ZNF483: variants seen among roughly 807,000 people sequenced by gnomAD.
The protein encoded by ZNF483 is zinc finger protein HIT-10.
In ZNF483, 9 loss-of-function variants were observed where a neutral mutation model predicts 28.6. The ratio of observed to expected loss-of-function variants is 0.32; its 90% CI spans 0.19 to 0.55. The LOEUF is 0.55. Among genes scored for constraint, ZNF483 ranks in the 20% least tolerant of loss-of-function variants. The probability of loss-of-function intolerance (pLI) is 0.93; values close to 1 mark genes in which losing one functional copy is unlikely to be tolerated. For synonymous variants in ZNF483, 322 were observed against 306.2 expected (o/e 1.05, Z -0.54); for missense variants, 675 against 871.7 (o/e 0.77, Z 2.84).
In ZNF483 at chr9:111,549,258, T is replaced by C. The variant is rs1014314751; in HGVS notation, c.*6088T>C. ...GAATTTCTTGATCACTGGGGAGAAA[T>C]ATCTTACAATTCTGAAAACACACTG... On this transcript the variant is annotated 3_prime_UTR_variant, in exon 6 of 6. Transcript: ENST00000309235. Among the ~76,000 whole-genome samples the C allele has an allele frequency of 2.0e-5, 3 of 152,226 alleles. No homozygotes were observed. The highest frequency in any genetic ancestry group is 4.8e-5 in the African/African-American group (2 of 41,462).
rs1366269986 is a variant in ZNF483 at position 111,540,530 on chromosome 9, GT to G, written c.722-1126del. Among the ~76,000 whole-genome samples, 3 of 152,284 alleles carry G rather than the reference GT, an allele frequency of 2.0e-5. No individual in the cohort carries two copies. The East Asian group carries it at 5.8e-4, about 29-fold the overall frequency. ...TCTAGGCCCTGTTGAATTTATGTTT[GT>G]GATAGTGAGGGTGCTGTGGGAATGC... On this transcript the variant is annotated intron_variant, in intron 5 of 5. Coordinates refer to ENST00000309235, the MANE Select transcript of ZNF483 (RefSeq NM_133464.5).
rs1358111836 is a variant in ZNF483, at chr9:111,552,216, T to C, written c.*9046T>C. On this transcript the variant is annotated 3_prime_UTR_variant, in exon 6 of 6. Coordinates refer to ENST00000309235, the MANE Select transcript of ZNF483 (RefSeq NM_133464.5). ...GAATTGGATTTTCTAGTACAGGAAA[T>C]CCTTATAAAATTCTTTTGTAAGTCA... Among the ~76,000 whole-genome samples, 1 of 152,208 alleles carries C rather than the reference T, an allele frequency of 6.6e-6. No homozygotes were observed. Among genetic ancestry groups the C allele is most frequent in the Non-Finnish European group, 1.5e-5 (1 of 68,016 alleles).
chr9:111,532,106 C>T (rs991349756), intron 3 of ZNF483, among the ~76,000 whole-genome samples: 4 of 151,990 alleles, frequency 2.6e-5, no homozygotes, highest in South Asian at 4.1e-4. Flanking sequence ...CCTGGGAGTT[C>T]GAGAGCAGTC....
chr9:111,564,137 TA>T, intron 5 of ZNF483: 1 of 512,896 alleles, frequency 1.9e-6, no homozygotes, highest in Non-Finnish European at 2.7e-6. Context: ...TAAGGGGTCT[TA>T]TATAGAGACC....
At chr9:111,526,751 C>CA (rs1430146837) in intron 1 of ZNF483, among the ~76,000 whole-genome samples, 1 of 152,086 alleles carries the variant, frequency 6.6e-6, no homozygotes, top group African/African-American at 2.4e-5. Context: ...GAGGAGTATT[C>CA]AATCTAAAGC....
chr9:111,559,964 A>G (rs1328797753), downstream of ZNF483, among the ~76,000 whole-genome samples: 1 of 152,096 alleles, frequency 6.6e-6, no homozygotes, highest in Non-Finnish European at 1.5e-5. Flanking sequence ...CCATTGTTTC[A>G]TTGTACTACA....
chr9:111,573,954 TC>T (rs1162945645), intron 5 of ZNF483, among the ~76,000 whole-genome samples: 1 of 152,088 alleles, frequency 6.6e-6, no homozygotes, highest in African/African-American at 2.4e-5. Flanking sequence ...AAGCTGCTGC[TC>T]CCTTCCCTTT....
Position 111,543,338 on chromosome 9 carries a change from A to G in ZNF483, c.*168A>G. The G allele has an allele frequency of 7.2e-7, 1 of 1,391,842 alleles. No individual in the cohort carries two copies. Among genetic ancestry groups the G allele is most frequent in the Non-Finnish European group, 9.3e-7 (1 of 1,078,868 alleles). The allele number at this position is 1,391,842 out of a possible 1,614,324, so 86.2% of individuals were successfully genotyped here. A position where few individuals can be genotyped will look rare whatever the true frequency, so the allele number is the denominator to read the frequency against. On this transcript the variant is annotated 3_prime_UTR_variant, in exon 6 of 6. Transcript: ENST00000309235. ...CCTCTTCTTTTCAAGGATGGCAACG[A>G]CTGGTAAACAGTAATTAGTTGGTAA...
intron 5 of ZNF483, 123 bp from the exon 6 acceptor site, chr9:111,541,534 C>G: frequency 1.4e-6 from 1 of 694,568 alleles, no homozygotes; most frequent in South Asian, 3.1e-5. Flanking sequence ...TTTTACAAAG[C>G]TCTTTTTGAG....
chr9:111,527,332 T>C lies in ZNF483; in HGVS notation c.-64T>C, dbSNP rs1002508026. 2 of 1,529,762 alleles carry C rather than the reference T, an allele frequency of 1.3e-6. No homozygotes were observed. The highest frequency in any genetic ancestry group is 1.8e-6 in the Non-Finnish European group (2 of 1,129,202). 94.8% of individuals were successfully genotyped at this position (1,529,762 alleles called of 1,614,324 possible). A position where few individuals can be genotyped will look rare whatever the true frequency, so the allele number is the denominator to read the frequency against. On this transcript the variant is annotated 5_prime_UTR_variant, in exon 2 of 6. Coordinates refer to ENST00000309235, the MANE Select transcript of ZNF483 (RefSeq NM_133464.5). ...TATTCCTGGCTGTGTATAGTGCCTG[T>C]TGGTGGACTGTACTGATACTCAACT...
chr9:111,566,495 CATG>C (rs1828568678), intron 5 of ZNF483, among the ~76,000 whole-genome samples: 1 of 152,160 alleles, frequency 6.6e-6, no homozygotes, highest in Non-Finnish European at 1.5e-5. Context: ...GATTAGGAAA[CATG>C]ATGTCATTTT....
At chr9:111,530,756 A>AATTATATAT (rs1827306374) in intron 2 of ZNF483, 119 bp from the exon 3 acceptor site, 1 of 70,416 alleles carries the variant, frequency 1.4e-5, no homozygotes, top group Non-Finnish European at 3.1e-5. Flanking sequence ...ATCACTTAGA[A>AATTATATAT]ATATATATAT....
At chr9:111,569,992 C>T (rs775804330) in intron 5 of ZNF483, 117 of 1,554,636 alleles carry the variant, frequency 7.5e-5, no homozygotes, top group Non-Finnish European at 9.6e-5. Context: ...ACTGACGATG[C>T]GGCAGAGATG....
At chr9:111,574,604 TAAAAAAA>T in intron 5 of ZNF483, 1 of 489,920 alleles carries the variant, frequency 2.0e-6, no homozygotes, top group African/African-American at 2.2e-5. Context: ...GACTCTGTCT[TAAAAAAA>T]AAAAAAAAAG....
At chr9:111,577,166 C>T (rs938432559) in exon 6 of ZNF483, 1 of 151,924 alleles carries the variant, frequency 6.6e-6, no homozygotes, top group Non-Finnish European at 1.5e-5. Context: ...GATATTTCTC[C>T]AAAGAAGATA....
intron 5 of ZNF483, among the ~76,000 whole-genome samples, chr9:111,569,696 C>A (rs559691667): frequency 1.3e-3 from 194 of 152,198 alleles, no homozygotes; most frequent in African/African-American, 4.5e-3. Context: ...ACCCAGGAGG[C>A]GGAGGTTGCC....
At position 111,542,093 on chromosome 9, in the gene ZNF483, G is replaced by T; in HGVS notation, c.1158G>T (p.Gly386=). The T allele has an allele frequency of 1.2e-6, 2 of 1,613,970 alleles. No homozygotes were observed. The highest frequency in any genetic ancestry group is 3.3e-5 in the Admixed American group (2 of 60,012). Reference sequence around the variant, plus strand: ...AGAAACGTCAGAAGATTCATTTGGGGGATAGGTCCCAAAAATGCAGTAAGT... The same window carrying T: ...AGAAACGTCAGAAGATTCATTTGGGTGATAGGTCCCAAAAATGCAGTAAGT... The part of the protein sequence containing the change: ...EHQKRQKIHL[G]DRSQKCSKCG... Residue 386 remains glycine, a synonymous_variant, in exon 6 of 6, where the codon GGG becomes GGT. Coordinates refer to ENST00000309235, the MANE Select transcript of ZNF483 (RefSeq NM_133464.5). This position sits in a 1 kb window ranked among gnomAD's most constrained non-coding sequence, Gnocchi z 6.2.
Position 111,544,016 on chromosome 9 carries a change from G to C in ZNF483, c.*846G>C. ...AAATGCTGTAACTAGGAATGGGTCA[G>C]TGAAGTTCAAACGACTTTTCCTTGA... On this transcript the variant is annotated 3_prime_UTR_variant, in exon 6 of 6. Transcript: ENST00000309235. 1 of 985,376 alleles carries C rather than the reference G, an allele frequency of 1.0e-6. No individual in the cohort carries two copies. The highest frequency in any genetic ancestry group is 1.7e-5 in the African/African-American group (1 of 57,326). 61.0% of individuals were successfully genotyped at this position (985,376 alleles called of 1,614,324 possible).
rs1827867250 is a variant in ZNF483, at chr9:111,549,106, G to T, written c.*5936G>T. Among the ~76,000 whole-genome samples, 1 of 152,016 alleles carries T rather than the reference G, an allele frequency of 6.6e-6. No individual in the cohort carries two copies. Among genetic ancestry groups the T allele is most frequent in the Non-Finnish European group, 1.5e-5 (1 of 67,982 alleles). Reference sequence around the variant, plus strand: ...TTCCAGTTCTGTAGAGTGGTTTATTGCTTTATTATCAGTGCAATAGAGAGT... The same window carrying T: ...TTCCAGTTCTGTAGAGTGGTTTATTTCTTTATTATCAGTGCAATAGAGAGT... On this transcript the variant is annotated 3_prime_UTR_variant, in exon 6 of 6. Coordinates refer to ENST00000309235, the MANE Select transcript of ZNF483 (RefSeq NM_133464.5).
Sources: allele counts gnomAD v4.1 joint callset (sites outside exome capture counted in the v4.1 genomes callset), GRCh38; gene constraint gnomAD v4.1.1; non-coding constraint Gnocchi (gnomAD v3.1); transcripts MANE v1.5; gene names NCBI Gene and HGNC (gene_info 2026-07-23, HGNC 2026-07-21).